Variants in NCAM1 observed in about 807,000 individuals in gnomAD.
NCAM1 encodes antigen recognized by monoclonal antibody 5.1H11.
In NCAM1, 14 loss-of-function variants were observed where a neutral mutation model predicts 109.8. The observed-to-expected ratio is 0.13, with a 90% CI of 0.08 to 0.20. The LOEUF (loss-of-function observed/expected upper bound fraction) is 0.20. Among genes scored for constraint, NCAM1 ranks in the 10% least tolerant of loss-of-function variants. NCAM1 has a pLI of 1.00. For synonymous variants in NCAM1, 418 were observed against 442.9 expected, an observed-to-expected ratio of 0.94 and a Z score of 0.70; for missense variants, 774 against 1,109.9, an observed-to-expected ratio of 0.70 and a Z score of 4.30.
intron 1 of NCAM1, among the ~76,000 whole-genome samples, chr11:112,972,485 A>G (rs1168912847): frequency 6.6e-6 from 1 of 152,124 alleles, no homozygotes; most frequent in East Asian, 1.9e-4. Flanking sequence ...AGAAAAGTAT[A>G]ATAAAGTGAA....
chr11:113,109,576 T>C (rs1240199685), intron 1 of NCAM1, among the ~76,000 whole-genome samples: 1 of 152,192 alleles, frequency 6.6e-6, no homozygotes, highest in Non-Finnish European at 1.5e-5. Flanking sequence ...AGCTAGGCAC[T>C]GGGGACAGGG....
At position 112,964,542 on chromosome 11, in the gene NCAM1, T is replaced by C. The variant is rs77207826; in HGVS notation, c.52+2878T>C. On this transcript the variant is annotated intron_variant, in intron 1 of 19. Coordinates refer to ENST00000316851, the MANE Select transcript of NCAM1 (RefSeq NM_181351.5). ...CCATCGGTTAAGAACAAAGAGCTAC[T>C]TTACAAAAGCTAACATTGAAATCAA... Among the ~76,000 whole-genome samples, 954 of 152,338 alleles carry C rather than the reference T, an allele frequency of 6.3e-3. 5 individuals are homozygous for C. The highest frequency in any genetic ancestry group is 0.011 in the Non-Finnish European group (768 of 68,026).
At chr11:113,099,400 G>T (rs1056706279) in intron 1 of NCAM1, among the ~76,000 whole-genome samples, 3 of 152,166 alleles carry the variant, frequency 2.0e-5, no homozygotes, top group East Asian at 3.9e-4. Context: ...TTTGGTTCTC[G>T]TGAGTTTATC....
At chr11:113,204,613 C>A in intron 3 of NCAM1, 109 bp downstream of exon 3, 1 of 1,045,622 alleles carries the variant, frequency 9.6e-7, no homozygotes, top group Non-Finnish European at 1.4e-6. Flanking sequence ...AGGGCCTAAC[C>A]AGTCCCATTC....
In NCAM1 at chr11:113,204,335, A is replaced by G. The variant is rs1944168361; in HGVS notation, c.177A>G (p.Gly59=). The G allele has an allele frequency of 6.2e-7, 1 of 1,613,746 alleles. No individual in the cohort carries two copies. The highest frequency in any genetic ancestry group is 8.5e-7 in the Non-Finnish European group (1 of 1,179,862). The change falls in exon 3 of 20, where the codon GGA becomes GGG. Residue 59 remains glycine, a synonymous_variant. Transcript: ENST00000316851. ...ACATCTCCTGGTTCTCCCCCAATGG[A>G]GAAAAGCTCACCCCAAACCAGCAGC... ...DKDISWFSPN[G]EKLTPNQQRI... is the part of the protein sequence containing the mutation.
At chr11:113,250,714 C>G (rs192859758) in intron 15 of NCAM1, among the ~76,000 whole-genome samples, 1 of 152,188 alleles carries the variant, frequency 6.6e-6, no homozygotes, top group Non-Finnish European at 1.5e-5. Context: ...CACAGGTTTA[C>G]GCTCAGACAC....
At chr11:113,048,880 G>C (rs1006036144) in intron 1 of NCAM1, among the ~76,000 whole-genome samples, 1 of 152,164 alleles carries the variant, frequency 6.6e-6, no homozygotes, top group Non-Finnish European at 1.5e-5. Flanking sequence ...CCAGCTGCTT[G>C]GTACTCTGCT....
intron 1 of NCAM1, among the ~76,000 whole-genome samples, chr11:113,102,662 T>A (rs1555091745): frequency 1.3e-5 from 2 of 152,212 alleles, no homozygotes; most frequent in African/African-American, 2.4e-5. Flanking sequence ...TTTCTTTGAA[T>A]GATTAAAAAG....
At chr11:113,148,877 C>T (rs1479643044) in intron 1 of NCAM1, among the ~76,000 whole-genome samples, 1 of 152,104 alleles carries the variant, frequency 6.6e-6, no homozygotes, top group East Asian at 1.9e-4. Context: ...GAATGGGGCT[C>T]TTCACTCTTC....
At chr11:113,210,775 A>AACACACACACACACACACACAC (rs35387760) in intron 7 of NCAM1, among the ~76,000 whole-genome samples, 5 of 130,980 alleles carry the variant, frequency 3.8e-5, no homozygotes, top group East Asian at 4.6e-4. Flanking sequence ...CTTCATCACA[A>AACACACACACACACACACACAC]ACACACACAC....
chr11:113,277,638 A>T lies in NCAM1; in HGVS notation c.*2251A>T, dbSNP rs1946423597. Reference sequence around the variant, plus strand: ...GCCAAGCCCATGCCATACCTTGTCAAGACTGTCAAAGTGGTTGTGGTTAGG... The same window carrying T: ...GCCAAGCCCATGCCATACCTTGTCATGACTGTCAAAGTGGTTGTGGTTAGG... On this transcript the variant is annotated 3_prime_UTR_variant, in exon 20 of 20. Transcript: ENST00000316851. 5.1e-6 allele frequency: 2 copies of T among 388,912 alleles called. No homozygotes were observed. Among genetic ancestry groups the T allele is most frequent in the Non-Finnish European group, 9.1e-6 (2 of 220,618 alleles). The allele number at this position is 388,912 out of a possible 1,614,324, so 24.1% of individuals were successfully genotyped here.
At chr11:112,990,181 T>C (rs1017317567) in intron 1 of NCAM1, among the ~76,000 whole-genome samples, 1 of 152,156 alleles carries the variant, frequency 6.6e-6, no homozygotes, top group Non-Finnish European at 1.5e-5. Context: ...AGCTTTACAG[T>C]CTGTAGAGAG....
chr11:113,263,469 A>G (rs1406920019), intron 17 of NCAM1: 3 of 985,804 alleles, frequency 3.0e-6, no homozygotes, highest in Non-Finnish European at 3.6e-6. Context: ...TTTTGCTGAC[A>G]TGATGGGCAA....
chr11:113,083,922 A>C (rs1055102187), intron 1 of NCAM1, among the ~76,000 whole-genome samples: 7 of 152,216 alleles, frequency 4.6e-5, no homozygotes, highest in Non-Finnish European at 8.8e-5. Flanking sequence ...AAAAGTGAAG[A>C]GCCAGTTGAA....
chr11:113,142,457 T>C (rs1351243326), intron 1 of NCAM1, among the ~76,000 whole-genome samples: 1 of 152,212 alleles, frequency 6.6e-6, no homozygotes, highest in East Asian at 1.9e-4. Flanking sequence ...TTGGGACATC[T>C]GCATGTCTGT....
intron 1 of NCAM1, among the ~76,000 whole-genome samples, chr11:113,190,408 T>G (rs1943641169): frequency 6.6e-6 from 1 of 152,178 alleles, no homozygotes; most frequent in Non-Finnish European, 1.5e-5. Context: ...TGTTGCCAGA[T>G]GTAATACTGC....
At chr11:113,191,914 C>T (rs148939986) in intron 1 of NCAM1, among the ~76,000 whole-genome samples, 21 of 152,268 alleles carry the variant, frequency 1.4e-4, no homozygotes, top group Non-Finnish European at 3.1e-4. Context: ...AAGCAATGAA[C>T]ACATAAGGAC....
In NCAM1 at chr11:113,264,038, G is replaced by C. The variant is rs1555123926; in HGVS notation, c.2131+3715G>C. On this transcript the variant is annotated intron_variant, in intron 17 of 19. Coordinates refer to ENST00000316851, the MANE Select transcript of NCAM1 (RefSeq NM_181351.5). Reference sequence around the variant, plus strand: ...GGGAGTTCACCCAGGAGAGGAAATGGGTGTGTTTTGTTAAGGTCCCTTGTG... The same window carrying C: ...GGGAGTTCACCCAGGAGAGGAAATGCGTGTGTTTTGTTAAGGTCCCTTGTG... 3.0e-6 allele frequency: 3 copies of C among 985,230 alleles called. No homozygotes were observed. In the African/African-American group the frequency reaches 5.2e-5, roughly 17 times the overall value. 61.0% of individuals were successfully genotyped at this position (985,230 alleles called of 1,614,324 possible).
chr11:113,222,319 A>G (rs1944712486), intron 9 of NCAM1, among the ~76,000 whole-genome samples: 1 of 152,256 alleles, frequency 6.6e-6, no homozygotes, highest in Non-Finnish European at 1.5e-5. Context: ...TTCAGAACGT[A>G]TAACTCAAGT....
Sources: allele counts gnomAD v4.1 joint callset (sites outside exome capture counted in the v4.1 genomes callset), GRCh38; gene constraint gnomAD v4.1.1; transcripts MANE v1.5; gene names NCBI Gene and HGNC (gene_info 2026-07-23, HGNC 2026-07-21).